The following LIMCH1 variants were observed in gnomAD, a reference collection of about 807,000 sequenced individuals.
LIMCH1 encodes LIM and calponin homology domains-containing protein 1.
LIMCH1 carries 113 observed loss-of-function variants against 176.5 expected under a neutral mutation model. The observed-to-expected ratio is 0.64, with a 90% CI of 0.55 to 0.75. The LOEUF (loss-of-function observed/expected upper bound fraction) is 0.75. Among genes scored for constraint, LIMCH1 ranks in the 30% least tolerant of loss-of-function variants. The pLI is 0.00. For missense variants in LIMCH1, 1,674 were observed against 1,814.9 expected (o/e 0.92, Z 1.41); for synonymous variants, 619 against 645.9 (o/e 0.96, Z 0.63).
intron 1 of LIMCH1, among the ~76,000 whole-genome samples, chr4:41,558,789 T>C (rs765342701): frequency 3.3e-5 from 5 of 152,214 alleles, no homozygotes; most frequent in Non-Finnish European, 7.4e-5. Context: ...CCCTTCAGCA[T>C]GTGGCATAAT....
intron 21 of LIMCH1, among the ~76,000 whole-genome samples, chr4:41,670,261 A>G (rs1320268253): frequency 1.3e-5 from 2 of 152,222 alleles, no homozygotes; most frequent in African/African-American, 4.8e-5. Flanking sequence ...ATTTATACGT[A>G]CAAAAAACTT....
intron 22 of LIMCH1, among the ~76,000 whole-genome samples, 172 bp downstream of exon 22, chr4:41,671,766 G>T (rs540754041): frequency 6.6e-6 from 1 of 151,398 alleles, no homozygotes; most frequent in African/African-American, 2.4e-5. Context: ...TTCAAGATCA[G>T]GCTGACTAAC....
intron 1 of LIMCH1, among the ~76,000 whole-genome samples, chr4:41,379,699 C>T (rs569453940): frequency 1.3e-5 from 2 of 152,188 alleles, no homozygotes; most frequent in Non-Finnish European, 2.9e-5. Context: ...GATACTAAGT[C>T]ATTTGTCTAG....
At chr4:41,670,495 A>G (rs140219449) in intron 21 of LIMCH1, among the ~76,000 whole-genome samples, 1 of 152,302 alleles carries the variant, frequency 6.6e-6, no homozygotes, top group East Asian at 1.9e-4. Flanking sequence ...ATCTAACACC[A>G]AAGAAGACAA....
At chr4:41,363,285 G>C (rs1412783000) in intron 1 of LIMCH1, among the ~76,000 whole-genome samples, 1 of 152,310 alleles carries the variant, frequency 6.6e-6, no homozygotes, top group Admixed American at 6.5e-5. Context: ...CCCCGGGTGG[G>C]GGGGCGGATT....
chr4:41,458,947 A>G (rs990028210), intron 1 of LIMCH1, among the ~76,000 whole-genome samples: 4 of 152,070 alleles, frequency 2.6e-5, no homozygotes, highest in Non-Finnish European at 4.4e-5. Context: ...TGAGTCATTT[A>G]GTTGCTGTTC....
chr4:41,607,095 G>A (rs567859511), intron 4 of LIMCH1, among the ~76,000 whole-genome samples: 1 of 152,216 alleles, frequency 6.6e-6, no homozygotes, highest in South Asian at 2.1e-4. Context: ...CACCGCACCC[G>A]GCCCCTCCAG....
chr4:41,644,384 G>T, intron 14 of LIMCH1, 116 bp from the exon 15 acceptor site: 1 of 1,308,452 alleles, frequency 7.6e-7, no homozygotes. Flanking sequence ...CGCAGCCCGG[G>T]AAGGGGGCAG....
In LIMCH1 at chr4:41,697,299, A is replaced by AG; in HGVS notation, c.*114_*115insG. 2.2e-6 allele frequency: 2 copies of AG among 898,772 alleles called. No homozygotes were observed. Among genetic ancestry groups the AG allele is most frequent in the Non-Finnish European group, 3.7e-6 (2 of 547,806 alleles). 55.7% of individuals were successfully genotyped at this position (898,772 alleles called of 1,614,324 possible). On this transcript the variant is annotated 3_prime_UTR_variant, in exon 32 of 32. Transcript: ENST00000503057. Reference sequence around the variant, plus strand: ...TTCTCAGCATTTACCTAATTTCTGAAAGGCTCTTCTGAAAGGTGGTATCTG... The same window carrying AG: ...TTCTCAGCATTTACCTAATTTCTGAAGAGGCTCTTCTGAAAGGTGGTATCTG...
intron 1 of LIMCH1, among the ~76,000 whole-genome samples, chr4:41,394,869 A>G (rs1372693168): frequency 6.6e-6 from 1 of 152,206 alleles, no homozygotes; most frequent in Non-Finnish European, 1.5e-5. Context: ...GTCCCTAGCC[A>G]AAAAGAAACT....
Position 41,654,861 on chromosome 4 carries a change from G to C in LIMCH1, c.3036+4253G>C, listed in dbSNP as rs2094419880. ...AATCCCTTTGCCCCCAATTATCCCT[G>C]AGATATTTCAGGGGTTTTGTTCATT... On this transcript the variant is annotated intron_variant, in intron 18 of 31. Transcript: ENST00000503057. Among the ~76,000 whole-genome samples the C allele has an allele frequency of 2.6e-5, 4 of 152,282 alleles. No individual in the cohort carries two copies. The East Asian group carries it at 7.7e-4, about 29-fold the overall frequency.
intron 1 of LIMCH1, among the ~76,000 whole-genome samples, chr4:41,595,363 A>G (rs966674782): frequency 1.3e-5 from 2 of 151,888 alleles, no homozygotes; most frequent in African/African-American, 4.9e-5. Flanking sequence ...GAGGCGGGAA[A>G]AGGAATTGCC....
At chr4:41,502,048 C>T (rs1360486188) in intron 2 of LIMCH1, among the ~76,000 whole-genome samples, 2 of 149,464 alleles carry the variant, frequency 1.3e-5, no homozygotes, top group East Asian at 3.9e-4. Context: ...TGATGCTCTC[C>T]CTCCCCCAAT....
At chr4:41,436,640 T>C (rs1158733590) in intron 1 of LIMCH1, among the ~76,000 whole-genome samples, 1 of 152,188 alleles carries the variant, frequency 6.6e-6, no homozygotes, top group Non-Finnish European at 1.5e-5. Flanking sequence ...GTGTGACAGA[T>C]GCTGTCAGGA....
At chr4:41,434,983 A>G in intron 1 of LIMCH1, among the ~76,000 whole-genome samples, 1 of 152,192 alleles carries the variant, frequency 6.6e-6, no homozygotes, top group East Asian at 1.9e-4. Flanking sequence ...CTTCCTATGG[A>G]TGTTAATATC....
chr4:41,659,498 A>T (rs1405020640), intron 18 of LIMCH1, among the ~76,000 whole-genome samples: 1 of 152,112 alleles, frequency 6.6e-6, no homozygotes, highest in Admixed American at 6.5e-5. Flanking sequence ...GAATTCAGTG[A>T]TGGTTTCCAC....
At chr4:41,691,636 G>A (rs1019282622) in intron 30 of LIMCH1, among the ~76,000 whole-genome samples, 3 of 149,932 alleles carry the variant, frequency 2.0e-5, no homozygotes, top group Admixed American at 6.7e-5. Flanking sequence ...GGTGGCACAC[G>A]CCTGTAATCC....
chr4:41,486,309 A>G (rs762170899), intron 1 of LIMCH1, among the ~76,000 whole-genome samples: 4 of 152,172 alleles, frequency 2.6e-5, no homozygotes, highest in Non-Finnish European at 4.4e-5. Context: ...TGGTTTGCCC[A>G]GTGCCTTGTC....
At chr4:41,361,006 C>G in intron 1 of LIMCH1, 1 of 1,186,916 alleles carries the variant, frequency 8.4e-7, no homozygotes, top group Non-Finnish European at 1.2e-6. Context: ...ACGCTCCGAC[C>G]GCAGGTCCAG....
Sources: allele counts gnomAD v4.1 joint callset (sites outside exome capture counted in the v4.1 genomes callset), GRCh38; gene constraint gnomAD v4.1.1; transcripts MANE v1.5; gene names NCBI Gene and HGNC (gene_info 2026-07-23, HGNC 2026-07-21).